Variants in TOP6BL observed in about 807,000 individuals in gnomAD.
TOP6BL encodes the protein type 2 DNA topoisomerase 6 subunit B-like.
the TOP6BL span, among the ~76,000 whole-genome samples, chr11:66,803,057 T>G: frequency 6.6e-6 from 1 of 152,236 alleles, no homozygotes; most frequent in African/African-American, 2.4e-5. Flanking sequence ...TACTAGATTC[T>G]TTCTAGGAGA....
At chr11:66,842,936 C>T in the TOP6BL span, 6 of 1,558,480 alleles carry the variant, frequency 3.8e-6, no homozygotes, top group South Asian at 3.5e-5. Flanking sequence ...GCCAGGGCCC[C>T]GAGCCCGTCA....
the TOP6BL span, among the ~76,000 whole-genome samples, chr11:66,811,381 A>G: frequency 6.6e-6 from 1 of 152,110 alleles, no homozygotes; most frequent in Non-Finnish European, 1.5e-5. Context: ...TAATAGAGAC[A>G]GGGTTTCGCC....
chr11:66,804,745 C>T, the TOP6BL span, among the ~76,000 whole-genome samples: 2 of 152,050 alleles, frequency 1.3e-5, no homozygotes, highest in African/African-American at 4.8e-5. Flanking sequence ...TGAGACCAGC[C>T]TGGCCAATAT....
chr11:66,767,294 A>G, the TOP6BL span, among the ~76,000 whole-genome samples: 1 of 152,236 alleles, frequency 6.6e-6, no homozygotes, highest in South Asian at 2.1e-4. Context: ...ATATTCATTT[A>G]TGTGTATACT....
At chr11:66,835,858 C>T in the TOP6BL span, among the ~76,000 whole-genome samples, 3 of 152,252 alleles carry the variant, frequency 2.0e-5, no homozygotes, top group Admixed American at 6.5e-5. Flanking sequence ...TATGCTGTTA[C>T]GAACAGCATA....
chr11:66,828,857 C>A, the TOP6BL span: 1 of 152,986 alleles, frequency 6.5e-6, no homozygotes, highest in Non-Finnish European at 1.5e-5. Context: ...TAGAGGAGAC[C>A]ATCACAAAAC....
At chr11:66,802,198 C>T in the TOP6BL span, among the ~76,000 whole-genome samples, 94 of 151,528 alleles carry the variant, frequency 6.2e-4, no homozygotes, top group African/African-American at 2.2e-3. Flanking sequence ...CTCGCTCTTT[C>T]GCCCAGGCTG....
At chr11:66,823,347 CTT>C in the TOP6BL span, among the ~76,000 whole-genome samples, 2 of 148,094 alleles carry the variant, frequency 1.4e-5, no homozygotes, top group Non-Finnish European at 3.0e-5. Context: ...TACTGCTTAT[CTT>C]TGTAAAATGT....
At chr11:66,796,203 A>G in the TOP6BL span, 5 of 1,096,536 alleles carry the variant, frequency 4.6e-6, no homozygotes, top group Non-Finnish European at 6.7e-6. Flanking sequence ...TACTTTTAGA[A>G]GAGGAAATAC....
chr11:66,754,890 T>C, the TOP6BL span, among the ~76,000 whole-genome samples: 13 of 152,312 alleles, frequency 8.5e-5, no homozygotes, highest in Middle Eastern at 6.8e-3. Context: ...GAATGCTGAG[T>C]GGAGGAGGGA....
At chr11:66,762,841 C>T in the TOP6BL span, among the ~76,000 whole-genome samples, 2 of 152,008 alleles carry the variant, frequency 1.3e-5, no homozygotes, top group Non-Finnish European at 2.9e-5. Flanking sequence ...GATGAATACT[C>T]TAAAGACACA....
the TOP6BL span, among the ~76,000 whole-genome samples, chr11:66,805,062 C>T: frequency 2.6e-5 from 4 of 151,524 alleles, no homozygotes; most frequent in East Asian, 1.9e-4. Context: ...AGTGAGATTC[C>T]GTCTCAAAAA....
At chr11:66,749,373 A>G in the TOP6BL span, among the ~76,000 whole-genome samples, 1 of 152,078 alleles carries the variant, frequency 6.6e-6, no homozygotes, top group Non-Finnish European at 1.5e-5. Flanking sequence ...GTGTGGTTGT[A>G]ATAGTCTAAT....
the TOP6BL span, chr11:66,828,361 G>C: frequency 6.2e-7 from 1 of 1,607,730 alleles, no homozygotes; most frequent in Non-Finnish European, 8.5e-7. Flanking sequence ...GTGAGGTGAA[G>C]CAGGTAAGTG....
At chr11:66,843,247 T>A in the TOP6BL span, 1 of 1,607,444 alleles carries the variant, frequency 6.2e-7, no homozygotes, top group Non-Finnish European at 8.5e-7. Context: ...CGGGTCCCCT[T>A]CCGCAAGCGC....
chr11:66,796,269 GTAT>G, the TOP6BL span: 3 of 1,593,280 alleles, frequency 1.9e-6, no homozygotes, highest in Non-Finnish European at 2.6e-6. Flanking sequence ...TGTTTTTGTT[GTAT>G]TATTACAGGT....
chr11:66,758,085 T>G, the TOP6BL span: 2 of 960,652 alleles, frequency 2.1e-6, no homozygotes, highest in Non-Finnish European at 2.5e-6. Context: ...GCAATGATTC[T>G]TAGATTCTGA....
At chr11:66,834,214 A>C in the TOP6BL span, among the ~76,000 whole-genome samples, 1 of 152,232 alleles carries the variant, frequency 6.6e-6, no homozygotes, top group Non-Finnish European at 1.5e-5. Context: ...CAGAACTTTC[A>C]TAATTTGCCC....
chr11:66,753,841 AT>A, the TOP6BL span, among the ~76,000 whole-genome samples: 3 of 152,174 alleles, frequency 2.0e-5, no homozygotes, highest in East Asian at 5.8e-4. Flanking sequence ...AGTAGCTGGG[AT>A]TACAGGTGTC....
Sources: allele counts gnomAD v4.1 joint callset (sites outside exome capture counted in the v4.1 genomes callset), GRCh38; gene constraint gnomAD v4.1.1; transcripts MANE v1.5; gene names NCBI Gene and HGNC (gene_info 2026-07-23, HGNC 2026-07-21).